The following KCNH7 variants were observed in gnomAD, a reference collection of about 807,000 sequenced individuals.
The protein encoded by KCNH7 is potassium voltage-gated channel subfamily H member 7, also known as voltage-gated inwardly rectifying potassium channel KCNH7.
A neutral mutation model predicts 120.8 loss-of-function variants in KCNH7; 49 were observed. That is an observed-to-expected ratio of 0.41 (90% CI 0.32 to 0.51). KCNH7 has a LOEUF of 0.51. Ranked by LOEUF, KCNH7 falls within the 20% of genes least tolerant of loss-of-function variation. The pLI is 0.38. For missense variants in KCNH7, 1,097 were observed against 1,446.6 expected, an observed-to-expected ratio of 0.76 and a Z score of 3.92; for synonymous variants, 547 against 516.1, an observed-to-expected ratio of 1.06 and a Z score of -0.81.
chr2:162,836,280 T>A (rs942578717), intron 2 of KCNH7, among the ~76,000 whole-genome samples: 1 of 152,204 alleles, frequency 6.6e-6, no homozygotes, highest in African/African-American at 2.4e-5. Flanking sequence ...CATCTAAGAC[T>A]GATTTGTAGC....
At position 162,689,028 on chromosome 2, in the gene KCNH7, T is replaced by C. The variant is rs187912591; in HGVS notation, c.307+147509A>G. 5.3e-3 allele frequency among the ~76,000 whole-genome samples: 810 copies of C among 152,210 alleles called. 7 individuals carry two copies. Among genetic ancestry groups the C allele is most frequent in the African/African-American group, 0.019 (780 of 41,546 alleles). On this transcript the variant is annotated intron_variant, in intron 2 of 15. Transcript: ENST00000332142. ...GTAGAAAGGCAATAATGTTCCCCAA[T>C]TGCCCAAGTCACTTTCTGGCACATC...
chr2:162,776,869 C>T (rs1035163113), intron 2 of KCNH7, among the ~76,000 whole-genome samples: 3 of 152,270 alleles, frequency 2.0e-5, no homozygotes. Context: ...AAGTAACTTT[C>T]TGGCTTGGGT....
intron 2 of KCNH7, chr2:162,796,189 A>G (rs1354283605): frequency 6.6e-6 from 1 of 152,104 alleles, no homozygotes; most frequent in Non-Finnish European, 1.5e-5. Context: ...CCACTGAACA[A>G]CTGCATGACA....
intron 2 of KCNH7, among the ~76,000 whole-genome samples, chr2:162,763,498 T>C (rs1050367594): frequency 6.6e-6 from 1 of 152,116 alleles, no homozygotes; most frequent in Non-Finnish European, 1.5e-5. Context: ...TCTGTCACCA[T>C]GCTGATACTT....
chr2:162,686,276 AT>A (rs1157544745), intron 2 of KCNH7, among the ~76,000 whole-genome samples: 1 of 152,106 alleles, frequency 6.6e-6, no homozygotes, highest in Non-Finnish European at 1.5e-5. Context: ...TTTTAGCTGG[AT>A]GTTAAAAACA....
chr2:162,756,641 A>G (rs1331426615), intron 2 of KCNH7, among the ~76,000 whole-genome samples: 1 of 151,818 alleles, frequency 6.6e-6, no homozygotes, highest in Non-Finnish European at 1.5e-5. Flanking sequence ...ATTTTTGTTT[A>G]TTTTTTAGAA....
At chr2:162,465,311 A>G (rs965924869) in intron 6 of KCNH7, among the ~76,000 whole-genome samples, 1 of 152,186 alleles carries the variant, frequency 6.6e-6, no homozygotes, top group African/African-American at 2.4e-5. Flanking sequence ...TATTTATGCC[A>G]TAAGTTATTC....
chr2:162,572,971 G>A (rs1197697410), intron 2 of KCNH7, among the ~76,000 whole-genome samples: 1 of 151,912 alleles, frequency 6.6e-6, no homozygotes, highest in Non-Finnish European at 1.5e-5. Context: ...TGGGTGCAGT[G>A]CACCAGCATG....
intron 2 of KCNH7, among the ~76,000 whole-genome samples, chr2:162,726,253 C>T (rs1687514841): frequency 6.6e-6 from 1 of 152,040 alleles, no homozygotes; most frequent in African/African-American, 2.4e-5. Context: ...GTAAGTTTTG[C>T]TGATGGTTAT....
At chr2:162,720,821 T>A (rs1033175400) in intron 2 of KCNH7, among the ~76,000 whole-genome samples, 1 of 152,150 alleles carries the variant, frequency 6.6e-6, no homozygotes, top group Non-Finnish European at 1.5e-5. Context: ...AGTGACTCCT[T>A]TGTTGAGTTA....
At chr2:162,398,407 C>T (rs1686976302) in intron 10 of KCNH7, among the ~76,000 whole-genome samples, 1 of 151,738 alleles carries the variant, frequency 6.6e-6, no homozygotes, top group African/African-American at 2.4e-5. Flanking sequence ...ATACATTAAC[C>T]ACAGTTTAAA....
At chr2:162,627,152 A>G in intron 2 of KCNH7, among the ~76,000 whole-genome samples, 1 of 152,174 alleles carries the variant, frequency 6.6e-6, no homozygotes, top group Admixed American at 6.5e-5. Context: ...GCACTGGGGA[A>G]TTCAATGTCT....
chr2:162,498,615 T>C (rs947170950), intron 6 of KCNH7, among the ~76,000 whole-genome samples: 4 of 152,066 alleles, frequency 2.6e-5, no homozygotes, highest in African/African-American at 9.7e-5. Context: ...CTTCTCCCTC[T>C]GCATTTTTCT....
chr2:162,570,758 T>C (rs1020581804), intron 2 of KCNH7, among the ~76,000 whole-genome samples: 1 of 152,052 alleles, frequency 6.6e-6, no homozygotes, highest in African/African-American at 2.4e-5. Context: ...AATCAATAAA[T>C]GTAATCCAGC....
chr2:162,610,366 T>C (rs903296226), intron 2 of KCNH7, among the ~76,000 whole-genome samples: 6 of 152,216 alleles, frequency 3.9e-5, no homozygotes, highest in African/African-American at 1.4e-4. Context: ...TTCCACACCA[T>C]CTTCAAGAAA....
intron 2 of KCNH7, among the ~76,000 whole-genome samples, chr2:162,750,387 T>C (rs1413387057): frequency 5.3e-5 from 8 of 151,936 alleles, no homozygotes; most frequent in African/African-American, 1.9e-4. Context: ...ATATACTGTA[T>C]AGTAAAAGAA....
intron 3 of KCNH7, among the ~76,000 whole-genome samples, chr2:162,520,657 C>T (rs372445602): frequency 7.9e-5 from 12 of 151,728 alleles, no homozygotes; most frequent in African/African-American, 2.9e-4. Flanking sequence ...TAGTCCGAGC[C>T]AGTCGGGAGG....
chr2:162,514,946 T>C (rs1382658109), intron 4 of KCNH7, among the ~76,000 whole-genome samples: 1 of 151,756 alleles, frequency 6.6e-6, no homozygotes, highest in Non-Finnish European at 1.5e-5. Context: ...TTCGAAATCT[T>C]GTGCATGATT....
intron 2 of KCNH7, among the ~76,000 whole-genome samples, chr2:162,545,174 C>T (rs1212535528): frequency 3.3e-5 from 5 of 152,034 alleles, no homozygotes; most frequent in African/African-American, 2.4e-5. Context: ...AAGGGCTTGC[C>T]GTAATTAACC....
Sources: gnomAD v4.1 joint callset for allele counts (sites outside exome capture counted in the v4.1 genomes callset) on GRCh38, gnomAD v4.1.1 for gene constraint, MANE v1.5 for transcripts, NCBI Gene and HGNC (gene_info 2026-07-23, HGNC 2026-07-21) for gene names.